Variants in HAT1 observed in about 807,000 individuals in gnomAD.
HAT1 encodes histone acetyltransferase 1.
Under a neutral mutation model 56.6 loss-of-function variants are expected in HAT1, and 20 were observed. The ratio of observed to expected loss-of-function variants is 0.35; its 90% CI spans 0.25 to 0.51. The LOEUF (loss-of-function observed/expected upper bound fraction) is 0.51, where lower values mean the gene tolerates loss of function less well. Among genes scored for constraint, HAT1 ranks in the 20% least tolerant of loss-of-function variants. The pLI is 0.95. For synonymous variants in HAT1, 146 were observed against 165.5 expected (o/e 0.88, Z 0.91); for missense variants, 408 against 504.3 (o/e 0.81, Z 1.83).
intron 2 of HAT1, among the ~76,000 whole-genome samples, chr2:171,928,858 A>G (rs1244211225): frequency 2.0e-5 from 3 of 152,192 alleles, no homozygotes; most frequent in African/African-American, 7.2e-5. Flanking sequence ...ATACATCATT[A>G]TTCGCCAGTT....
chr2:171,964,397 T>C (rs559562079), intron 4 of HAT1, among the ~76,000 whole-genome samples: 2 of 152,298 alleles, frequency 1.3e-5, no homozygotes, highest in East Asian at 3.9e-4. Context: ...AGTAAAAACC[T>C]GGCCTCATTG....
At chr2:171,981,577 T>A (rs1320542080) in intron 10 of HAT1, among the ~76,000 whole-genome samples, 1 of 152,244 alleles carries the variant, frequency 6.6e-6, no homozygotes, top group Admixed American at 6.5e-5. Context: ...CTGTATTTCC[T>A]AATTTGTCAT....
chr2:171,940,445 C>G (rs546952973), intron 2 of HAT1, among the ~76,000 whole-genome samples: 1 of 152,166 alleles, frequency 6.6e-6, no homozygotes, highest in African/African-American at 2.4e-5. Context: ...ACACGCGCCA[C>G]CTTTTGAATT....
chr2:171,946,585 C>G (rs1473747114), intron 2 of HAT1, 123 bp from the exon 3 acceptor site: 49 of 649,690 alleles, frequency 7.5e-5, no homozygotes. Context: ...TGAAATGACA[C>G]TTTTAGTAAG....
chr2:171,933,942 T>TAGGACAA (rs1686804899), intron 2 of HAT1, among the ~76,000 whole-genome samples: 1 of 152,210 alleles, frequency 6.6e-6, no homozygotes, highest in Non-Finnish European at 1.5e-5. Context: ...TTTTACTGAC[T>TAGGACAA]TTCTAGCGAT....
Position 171,922,472 on chromosome 2 carries a change from C to A in HAT1, c.-29C>A. On this transcript the variant is annotated 5_prime_UTR_variant, in exon 1 of 11. Coordinates refer to ENST00000264108, the MANE Select transcript of HAT1 (RefSeq NM_003642.4). Reference sequence around the variant, plus strand: ...GGAGCGCGCGGGTTGATTCGTCCTTCCTCAGCCGCGGGTGATCGTAGCTCG... The same window carrying A: ...GGAGCGCGCGGGTTGATTCGTCCTTACTCAGCCGCGGGTGATCGTAGCTCG... The A allele has an allele frequency of 7.6e-7, 1 of 1,318,612 alleles. No individual in the cohort carries two copies. The highest frequency in any genetic ancestry group is 9.8e-7 in the Non-Finnish European group (1 of 1,024,398). The allele number at this position is 1,318,612 out of a possible 1,614,324, so 81.7% of individuals were successfully genotyped here.
chr2:171,981,586 A>G (rs1688134243), intron 10 of HAT1, among the ~76,000 whole-genome samples: 1 of 152,100 alleles, frequency 6.6e-6, no homozygotes, highest in African/African-American at 2.4e-5. Context: ...CTAATTTGTC[A>G]TTGTAATTCT....
intron 4 of HAT1, among the ~76,000 whole-genome samples, chr2:171,961,117 G>C (rs909807536): frequency 6.6e-6 from 1 of 152,112 alleles, no homozygotes; most frequent in Non-Finnish European, 1.5e-5. Context: ...ACTCCAGCTT[G>C]GGTGACAGAG....
chr2:171,953,048 T>C (rs750277028), intron 4 of HAT1, 47 bp downstream of exon 4: 2 of 1,423,718 alleles, frequency 1.4e-6, no homozygotes, highest in Non-Finnish European at 1.9e-6. Context: ...TTAATTTATT[T>C]TAAAATAGGT....
At chr2:171,962,558 C>CTCT (rs1687599116) in intron 4 of HAT1, among the ~76,000 whole-genome samples, 1 of 152,134 alleles carries the variant, frequency 6.6e-6, no homozygotes, top group Non-Finnish European at 1.5e-5. Context: ...CCACGCCCAG[C>CTCT]TACTTTTGTA....
intron 9 of HAT1, among the ~76,000 whole-genome samples, chr2:171,977,547 ATATATATATATTTTTTTTT>A (rs1688012365): frequency 7.0e-5 from 1 of 14,338 alleles, no homozygotes; most frequent in Non-Finnish European, 1.2e-4. Flanking sequence ...ATATATATAT[ATATATATATATTTTTTTTT>A]TTTTTTTTTT....
In HAT1 at chr2:171,948,865, A is replaced by T. The variant is rs538872502; in HGVS notation, c.188+2082A>T. On this transcript the variant is annotated intron_variant, in intron 3 of 10. Coordinates refer to ENST00000264108, the MANE Select transcript of HAT1 (RefSeq NM_003642.4). ...AGTGTATCACATCAGGAAGTCCGTG[A>T]TGTCAGTTTGTCCCTTGTTGGTTAA... Among the ~76,000 whole-genome samples, 4 of 152,260 alleles carry T rather than the reference A, an allele frequency of 2.6e-5. No individual in the cohort carries two copies. The East Asian group carries it at 7.7e-4, about 29-fold the overall frequency.
chr2:171,966,622 A>G (rs1163696173), intron 7 of HAT1, 109 bp downstream of exon 7: 13 of 692,940 alleles, frequency 1.9e-5, no homozygotes, highest in Non-Finnish European at 2.9e-5. Context: ...AAAAATCACT[A>G]TTATTCATGG....
intron 2 of HAT1, among the ~76,000 whole-genome samples, chr2:171,927,359 A>T (rs1686623798): frequency 6.6e-6 from 1 of 152,228 alleles, no homozygotes; most frequent in South Asian, 2.1e-4. Flanking sequence ...AAATATCAGT[A>T]AAGTGTTTAA....
intron 2 of HAT1, among the ~76,000 whole-genome samples, chr2:171,936,531 C>G (rs745977378): frequency 2.0e-5 from 3 of 152,096 alleles, no homozygotes; most frequent in Non-Finnish European, 4.4e-5. Flanking sequence ...TATTTTTATA[C>G]TACTGTATAA....
intron 2 of HAT1, among the ~76,000 whole-genome samples, chr2:171,943,202 AACC>A (rs1687067685): frequency 6.6e-6 from 1 of 151,168 alleles, no homozygotes; most frequent in Admixed American, 6.6e-5. Flanking sequence ...AGGAGTTTGA[AACC>A]AGCCTGGCCA....
chr2:171,943,536 A>C (rs970161960), intron 2 of HAT1, among the ~76,000 whole-genome samples: 1 of 141,848 alleles, frequency 7.0e-6, no homozygotes, highest in Non-Finnish European at 1.5e-5. Flanking sequence ...AATTTTTGTT[A>C]TGAAACATTT....
intron 2 of HAT1, among the ~76,000 whole-genome samples, chr2:171,945,688 A>T (rs1178458024): frequency 6.7e-6 from 1 of 148,624 alleles, no homozygotes. Flanking sequence ...TATTTTTTTG[A>T]GAGAGAGTCT....
chr2:171,977,330 C>T lies in HAT1; in HGVS notation c.975+1022C>T, dbSNP rs1171937800. On this transcript the variant is annotated intron_variant, in intron 9 of 10. Coordinates refer to ENST00000264108, the MANE Select transcript of HAT1 (RefSeq NM_003642.4). ...TACGAAAATTAGCTGGGCGTGGTGG[C>T]GCGTGCCTGTAATCCCAGCTACTCA... 2.6e-4 allele frequency among the ~76,000 whole-genome samples: 38 copies of T among 147,896 alleles called. 1 individual carries two copies. The highest frequency in any genetic ancestry group is 2.0e-4 in the Admixed American group (3 of 14,762).
Sources: allele counts gnomAD v4.1 joint callset (sites outside exome capture counted in the v4.1 genomes callset), GRCh38; gene constraint gnomAD v4.1.1; transcripts MANE v1.5; gene names NCBI Gene and HGNC (gene_info 2026-07-23, HGNC 2026-07-21).